The following TIAM1 variants were observed in gnomAD, a reference collection of about 807,000 sequenced individuals.
TIAM1 encodes TIAM Rac1 associated GEF 1.
TIAM1 carries 65 observed loss-of-function variants against 163.5 expected under a neutral mutation model. The observed-to-expected ratio is 0.40, with a 90% CI of 0.33 to 0.49. The LOEUF (loss-of-function observed/expected upper bound fraction) is 0.49. TIAM1 is among the 20% of genes least tolerant of loss of function. The probability of loss-of-function intolerance (pLI) is 0.77; values close to 1 mark genes in which losing one functional copy is unlikely to be tolerated. For synonymous variants in TIAM1, 833 were observed against 810.1 expected (o/e 1.03, Z -0.48); for missense variants, 1,789 against 2,044.7 (o/e 0.87, Z 2.41).
At chr21:31,460,638 G>A (rs1346627324) in intron 2 of TIAM1, among the ~76,000 whole-genome samples, 2 of 152,034 alleles carry the variant, frequency 1.3e-5, no homozygotes, top group Non-Finnish European at 2.9e-5. Context: ...AAACAAAAAT[G>A]AAAAAGGAAG....
rs865966213 is a variant in TIAM1, at chr21:31,487,712, C to T, written c.-421-23677G>A. Among the ~76,000 whole-genome samples the T allele has an allele frequency of 6.6e-5, 10 of 151,866 alleles. No homozygotes were observed. In the South Asian group the frequency reaches 8.3e-4, roughly 13 times the overall value. On this transcript the variant is annotated intron_variant, in intron 1 of 28. Coordinates refer to the TIAM1 transcript ENST00000286827. ...AGCTGGGACTACAGGCGCCCGCCAC[C>T]GCGCCCGGCTAATTTTTTGTATTTT...
intron 15 of TIAM1, among the ~76,000 whole-genome samples, chr21:31,178,602 G>C (rs557958986): frequency 6.6e-6 from 1 of 151,518 alleles, no homozygotes; most frequent in Middle Eastern, 3.4e-3. Context: ...CACTGAGCCC[G>C]GCCAGGAATT....
chr21:31,234,128 G>A (rs1294774101), intron 6 of TIAM1, among the ~76,000 whole-genome samples: 1 of 152,114 alleles, frequency 6.6e-6, no homozygotes, highest in African/African-American at 2.4e-5. Context: ...CCCCCAGCAT[G>A]AAAGGCAGAG....
At chr21:31,295,170 T>A (rs2074185729) in intron 2 of TIAM1, among the ~76,000 whole-genome samples, 1 of 152,144 alleles carries the variant, frequency 6.6e-6, no homozygotes, top group Non-Finnish European at 1.5e-5. Context: ...GGTTTAAGAC[T>A]TCTTAAAGGG....
At chr21:31,519,286 CA>C (rs1378419116) in intron 1 of TIAM1, among the ~76,000 whole-genome samples, 5 of 101,018 alleles carry the variant, frequency 4.9e-5, no homozygotes, top group Admixed American at 1.5e-4. Context: ...GCCTGGGCAA[CA>C]AGAGTGAAAC....
At chr21:31,300,065 C>T (rs1244535497) in intron 2 of TIAM1, among the ~76,000 whole-genome samples, 4 of 152,130 alleles carry the variant, frequency 2.6e-5, no homozygotes, top group South Asian at 2.1e-4. Flanking sequence ...GACTGGATCA[C>T]GGGGGAGGAT....
intron 10 of TIAM1, 58 bp from the exon 11 acceptor site, chr21:31,210,273 T>C: frequency 6.4e-7 from 1 of 1,565,256 alleles, no homozygotes; most frequent in South Asian, 1.2e-5. Flanking sequence ...CAACCCTAGA[T>C]TCCCAGACTG....
chr21:31,216,468 G>C (rs115924874), intron 9 of TIAM1, among the ~76,000 whole-genome samples: 1,884 of 152,194 alleles, frequency 0.012, 50 homozygotes, highest in African/African-American at 0.043. Flanking sequence ...TTCTTCTTCC[G>C]AAAGACTACA....
At chr21:31,184,334 C>G (rs1029593617) in intron 14 of TIAM1, among the ~76,000 whole-genome samples, 5 of 152,200 alleles carry the variant, frequency 3.3e-5, no homozygotes, top group South Asian at 4.1e-4. Flanking sequence ...TGGAACTCCT[C>G]ACCTCAGGTG....
At chr21:31,527,933 A>G (rs1426616529) in intron 1 of TIAM1, among the ~76,000 whole-genome samples, 2 of 152,190 alleles carry the variant, frequency 1.3e-5, no homozygotes, top group Non-Finnish European at 2.9e-5. Flanking sequence ...AAACAGGAAC[A>G]GAGTGGGAGC....
chr21:31,209,251 G>A (rs150178490), intron 11 of TIAM1, among the ~76,000 whole-genome samples: 2 of 152,282 alleles, frequency 1.3e-5, no homozygotes, highest in Non-Finnish European at 2.9e-5. Flanking sequence ...GACCTGATAC[G>A]ACTACGACAT....
At chr21:31,283,632 C>T (rs1490889648) in intron 2 of TIAM1, among the ~76,000 whole-genome samples, 2 of 152,034 alleles carry the variant, frequency 1.3e-5, no homozygotes, top group Non-Finnish European at 2.9e-5. Context: ...GCAACCTCTG[C>T]CTCCGGGATT....
chr21:31,295,275 C>T (rs1025615980), intron 2 of TIAM1, among the ~76,000 whole-genome samples: 1 of 152,088 alleles, frequency 6.6e-6, no homozygotes, highest in African/African-American at 2.4e-5. Flanking sequence ...TCGAGACCAT[C>T]CCGGCTAACA....
chr21:31,392,247 G>C (rs1334758069), intron 2 of TIAM1, among the ~76,000 whole-genome samples: 4 of 152,118 alleles, frequency 2.6e-5, no homozygotes, highest in Non-Finnish European at 5.9e-5. Flanking sequence ...GTATTTTAAG[G>C]TTAACTTGGT....
At chr21:31,203,216 G>A (rs1238188161) in intron 11 of TIAM1, among the ~76,000 whole-genome samples, 2 of 152,088 alleles carry the variant, frequency 1.3e-5, no homozygotes, top group Non-Finnish European at 2.9e-5. Flanking sequence ...TTCGCCTCCT[G>A]GGTTCAAGTG....
At chr21:31,461,727 G>A (rs1367216788) in intron 2 of TIAM1, among the ~76,000 whole-genome samples, 1 of 152,148 alleles carries the variant, frequency 6.6e-6, no homozygotes, top group African/African-American at 2.4e-5. Flanking sequence ...GTGCAGTAGT[G>A]TGATCATGGC....
chr21:31,345,962 A>T (rs1351325227), upstream of TIAM1, among the ~76,000 whole-genome samples: 1 of 152,160 alleles, frequency 6.6e-6, no homozygotes, highest in East Asian at 1.9e-4. Flanking sequence ...AAAATAAATA[A>T]ATAAACAGAA....
At chr21:31,295,339 AGG>A (rs762268795) in intron 2 of TIAM1, among the ~76,000 whole-genome samples, 4 of 151,946 alleles carry the variant, frequency 2.6e-5, no homozygotes, top group African/African-American at 7.3e-5. Flanking sequence ...GCGTGGTGGC[AGG>A]CACCTGTAGT....
At chr21:31,402,512 G>A (rs1049501383) in intron 2 of TIAM1, among the ~76,000 whole-genome samples, 3 of 152,080 alleles carry the variant, frequency 2.0e-5, no homozygotes, top group African/African-American at 7.2e-5. Context: ...GCACAACCCT[G>A]GCCGTCCACG....
Sources: gnomAD v4.1 joint callset for allele counts (sites outside exome capture counted in the v4.1 genomes callset) on GRCh38, gnomAD v4.1.1 for gene constraint, MANE v1.5 for transcripts, NCBI Gene and HGNC (gene_info 2026-07-23, HGNC 2026-07-21) for gene names.